The following TMEM51 variants were observed in gnomAD, a reference collection of about 807,000 sequenced individuals.
TMEM51 encodes the protein transmembrane protein 51.
Under a neutral mutation model 13.6 loss-of-function variants are expected in TMEM51, and 8 were observed. The observed-to-expected ratio is 0.59, with a 90% CI of 0.35 to 1.07. The LOEUF is 1.07. Ranked by LOEUF, TMEM51 falls within the 50% of genes least tolerant of loss-of-function variation. The probability of loss-of-function intolerance (pLI) is 0.02; values close to 1 mark genes in which losing one functional copy is unlikely to be tolerated. For synonymous variants in TMEM51, 147 were observed against 144.4 expected (o/e 1.02, Z -0.13); for missense variants, 279 against 330.7 (o/e 0.84, Z 1.21).
At chr1:15,183,962 A>AC (rs1643693829) in intron 1 of TMEM51, among the ~76,000 whole-genome samples, 1 of 152,152 alleles carries the variant, frequency 6.6e-6, no homozygotes, top group Non-Finnish European at 1.5e-5. Context: ...GCAAGATCCA[A>AC]CTCAGCAGGT....
At chr1:15,205,256 TAGC>T (rs1644228722) in intron 1 of TMEM51, among the ~76,000 whole-genome samples, 1 of 152,214 alleles carries the variant, frequency 6.6e-6, no homozygotes, top group Non-Finnish European at 1.5e-5. Context: ...TTACGTGGAT[TAGC>T]AAGGACCCTG....
chr1:15,211,824 C>A (rs1242754778), intron 2 of TMEM51, among the ~76,000 whole-genome samples: 12 of 4,668 alleles, frequency 2.6e-3, no homozygotes, highest in East Asian at 0.023. Context: ...AAAGGTGACC[C>A]CCCCCCCCCC....
chr1:15,158,474 A>G (rs1642660472), intron 1 of TMEM51, among the ~76,000 whole-genome samples: 1 of 152,094 alleles, frequency 6.6e-6, no homozygotes, highest in South Asian at 2.1e-4. Context: ...TAACCCATCC[A>G]AGTGCCGCCA....
At chr1:15,169,132 G>T (rs1362478182) in intron 1 of TMEM51, among the ~76,000 whole-genome samples, 1 of 152,172 alleles carries the variant, frequency 6.6e-6, no homozygotes, top group Non-Finnish European at 1.5e-5. Context: ...TCTTCTCCAA[G>T]AGTTTAGTGA....
At chr1:15,158,113 C>G (rs973415917) in intron 1 of TMEM51, among the ~76,000 whole-genome samples, 4 of 152,066 alleles carry the variant, frequency 2.6e-5, no homozygotes, top group Non-Finnish European at 5.9e-5. Flanking sequence ...TTTTTCAACT[C>G]GTCATTACAG....
intron 1 of TMEM51, chr1:15,171,449 G>C: frequency 1.3e-6 from 1 of 757,342 alleles, no homozygotes; most frequent in Non-Finnish European, 1.8e-6. Context: ...CAAACTGGTG[G>C]AGAAGTCTAC....
At chr1:15,190,988 C>T (rs759724152) in intron 1 of TMEM51, among the ~76,000 whole-genome samples, 41 of 152,230 alleles carry the variant, frequency 2.7e-4, no homozygotes, top group African/African-American at 9.1e-4. Flanking sequence ...GGGGTTTCAC[C>T]GTGCTAGCCA....
At chr1:15,174,087 G>A (rs371456091) in intron 1 of TMEM51, among the ~76,000 whole-genome samples, 26 of 152,232 alleles carry the variant, frequency 1.7e-4, no homozygotes, top group African/African-American at 6.0e-4. Context: ...CCGCTGGAAG[G>A]AGGTTGGGGA....
intron 1 of TMEM51, among the ~76,000 whole-genome samples, chr1:15,156,941 C>T (rs1642611182): frequency 6.6e-6 from 1 of 152,192 alleles, no homozygotes; most frequent in Admixed American, 6.5e-5. Context: ...TAGAGTTGAG[C>T]TCCTCCCCAG....
chr1:15,205,816 G>A (rs1181058627), intron 1 of TMEM51, among the ~76,000 whole-genome samples: 1 of 152,138 alleles, frequency 6.6e-6, no homozygotes, highest in Admixed American at 6.6e-5. Context: ...CCTTCTGTTA[G>A]GCAGAATCGC....
intron 1 of TMEM51, among the ~76,000 whole-genome samples, chr1:15,167,799 G>C (rs2100828811): frequency 6.6e-6 from 1 of 152,310 alleles, no homozygotes; most frequent in Non-Finnish European, 1.5e-5. Flanking sequence ...CACCCTGCTG[G>C]TAGGAGGTTG....
At chr1:15,192,472 T>A (rs1643949533) in intron 1 of TMEM51, 1 of 279,014 alleles carries the variant, frequency 3.6e-6, no homozygotes, top group Non-Finnish European at 6.8e-6. Context: ...TTTTTTTTTA[T>A]GACAGAATCT....
At chr1:15,201,199 G>T (rs1273896485) in intron 1 of TMEM51, among the ~76,000 whole-genome samples, 1 of 152,158 alleles carries the variant, frequency 6.6e-6, no homozygotes, top group Non-Finnish European at 1.5e-5. Context: ...GTGAAATGGG[G>T]CTTATTCTAG....
intron 1 of TMEM51, among the ~76,000 whole-genome samples, chr1:15,205,229 C>G (rs1644228148): frequency 6.6e-6 from 1 of 152,162 alleles, no homozygotes; most frequent in Non-Finnish European, 1.5e-5. Context: ...ACTTGTCTTC[C>G]TTAATTTCTC....
At chr1:15,201,767 T>C (rs754369031) in intron 1 of TMEM51, among the ~76,000 whole-genome samples, 1 of 152,166 alleles carries the variant, frequency 6.6e-6, no homozygotes, top group Non-Finnish European at 1.5e-5. Context: ...GAACCACTTC[T>C]ACAGAGACAG....
chr1:15,218,853 AC>A (rs1644467791), intron 3 of TMEM51, among the ~76,000 whole-genome samples: 1 of 151,866 alleles, frequency 6.6e-6, no homozygotes, highest in Non-Finnish European at 1.5e-5. Flanking sequence ...GCATTAACCC[AC>A]CCCTTAATTT....
chr1:15,199,298 G>C (rs951880435), intron 1 of TMEM51, among the ~76,000 whole-genome samples: 1 of 151,970 alleles, frequency 6.6e-6, no homozygotes, highest in African/African-American at 2.4e-5. Context: ...ATGCCTGGCT[G>C]ATTTTTTATA....
intron 1 of TMEM51, among the ~76,000 whole-genome samples, chr1:15,191,022 G>A (rs185556132): frequency 2.0e-5 from 3 of 152,280 alleles, no homozygotes; most frequent in East Asian, 3.9e-4. Context: ...CTCCTGACCT[G>A]GTGATCTGCC....
intron 1 of TMEM51, among the ~76,000 whole-genome samples, chr1:15,167,063 C>T (rs1643030923): frequency 6.6e-6 from 1 of 152,042 alleles, no homozygotes; most frequent in Non-Finnish European, 1.5e-5. Flanking sequence ...TGCGGTGGCT[C>T]ACGCCTGTAA....
Sources: allele counts gnomAD v4.1 joint callset (sites outside exome capture counted in the v4.1 genomes callset), GRCh38; gene constraint gnomAD v4.1.1; transcripts MANE v1.5; gene names NCBI Gene and HGNC (gene_info 2026-07-23, HGNC 2026-07-21).